The following GJB1 variants were observed in gnomAD, a reference collection of about 807,000 sequenced individuals.
The protein encoded by GJB1 is gap junction protein beta 1, also known as gap junction beta-1 protein.
GJB1 carries 1 observed loss-of-function variant against 12.0 expected under a neutral mutation model. That is an observed-to-expected ratio of 0.08 (90% confidence interval 0.03 to 0.40). GJB1 has a LOEUF of 0.40. Ranked by LOEUF, GJB1 falls within the 10% of genes least tolerant of loss-of-function variation. The pLI is 0.98. For synonymous variants in GJB1, 114 were observed against 102.8 expected, an observed-to-expected ratio of 1.11 and a Z score of -0.66; for missense variants, 140 against 250.3, an observed-to-expected ratio of 0.56 and a Z score of 2.97.
At chrX:71,221,310 A>G (rs2092537543), upstream of GJB1, among the ~76,000 whole-genome samples, 1 of 105,021 alleles carries the variant, frequency 9.5e-6, no homozygotes, top group Admixed American at 1.1e-4. Context: ...CATGACATGA[A>G]CTCACTAAGG....
upstream of GJB1, among the ~76,000 whole-genome samples, chrX:71,221,828 C>T (rs748196771): frequency 2.4e-4 from 26 of 110,409 alleles, no homozygotes; most frequent in Non-Finnish European, 4.7e-4. Context: ...TCAGACAGAC[C>T]CTATAGGTCA....
At position 71,216,995 on chromosome X, in the gene GJB1, C is replaced by T. The variant is rs1028767806; in HGVS notation, c.-17+1724C>T. Among the ~76,000 whole-genome samples, 6 of 111,478 alleles carry T rather than the reference C, an allele frequency of 5.4e-5. 1 individual carries two copies. Among genetic ancestry groups the T allele is most frequent in the African/African-American group, 2.0e-4 (6 of 30,677 alleles). On this transcript the variant is annotated intron_variant, in intron 1 of 1. Transcript: ENST00000374029. Reference sequence around the variant, plus strand: ...AGGCTGAATGTAACCTCATCCATCCCAGCCCACCCCTCTTCCCCAAACCCC... The same window carrying T: ...AGGCTGAATGTAACCTCATCCATCCTAGCCCACCCCTCTTCCCCAAACCCC...
upstream of GJB1, among the ~76,000 whole-genome samples, chrX:71,220,045 G>A (rs1225573399): frequency 1.9e-5 from 2 of 105,221 alleles, no homozygotes; most frequent in African/African-American, 7.0e-5. Flanking sequence ...GTTTCACCAC[G>A]TTGGTCAGGC....
chrX:71,216,969 G>A (rs974099512), intron 1 of GJB1, among the ~76,000 whole-genome samples: 4 of 111,578 alleles, frequency 3.6e-5, no homozygotes, highest in Middle Eastern at 4.6e-3. Context: ...CATGGAGTCC[G>A]AGGCTGAATG....
chrX:71,223,498 G>A (rs2092541459), intron 1 of GJB1, among the ~76,000 whole-genome samples, 163 bp downstream of exon 1: 2 of 111,142 alleles, frequency 1.8e-5, no homozygotes, highest in Admixed American at 9.6e-5. Flanking sequence ...TGGGGCTCAG[G>A]GAGGTCAAGT....
chrX:71,224,537 G>A lies in GJB1; in HGVS notation c.830G>A (p.Ser277Asn), dbSNP rs748095080. The A allele has an allele frequency of 7.1e-5, 84 of 1,188,349 alleles. No individual in the cohort carries two copies. The highest frequency in any genetic ancestry group is 8.9e-5 in the Non-Finnish European group (79 of 884,375). ...PGTGAGLAEKSDRCSAC is the reference protein window; with the variant it reads ...PGTGAGLAEKNDRCSAC Reference sequence around the variant, plus strand: ...ACCGGGGCTGGGCTGGCTGAAAAGAGCGACCGCTGCTCGGCCTGCTGATGC... The same window carrying A: ...ACCGGGGCTGGGCTGGCTGAAAAGAACGACCGCTGCTCGGCCTGCTGATGC... Residue 277 changes from serine to asparagine, a missense_variant, in exon 2 of 2, where the codon AGC becomes AAC. This residue lies in a region of GJB1 where 75 missense variants were observed against 78.8 expected (regional missense o/e 0.95). Transcript: ENST00000361726.
upstream of GJB1, among the ~76,000 whole-genome samples, chrX:71,220,889 C>CTTTTTTTTTTTTTTTTTTTTTTTT (rs1491472340): frequency 1.9e-5 from 1 of 52,742 alleles, no homozygotes; most frequent in Admixed American, 2.6e-4. Context: ...TTGTTTCTTT[C>CTTTTTTTTTTTTTTTTTTTTTTTT]CTTTTTTTTT....
chrX:71,217,314 C>G (rs1304670566), intron 1 of GJB1, among the ~76,000 whole-genome samples: 28 of 112,170 alleles, frequency 2.5e-4, no homozygotes, highest in Admixed American at 2.5e-3. Flanking sequence ...GTGCAATTGC[C>G]GTTGAGGCAA....
rs104894820 is a variant in GJB1 at position 71,223,744 on chromosome X, G to A, written c.37G>A (p.Val13Met). ...AGGTTTGTACACCTTGCTCAGTGGC[G>A]TGAACCGGCATTCTACTGCCATTGG... ...WTGLYTLLSG[V>M]NRHSTAIGRV... Residue 13 changes from valine (V) to methionine (M), a missense_variant, in exon 2 of 2, where the codon GTG becomes ATG. Transcript: ENST00000361726. The A allele has an allele frequency of 2.0e-5, 24 of 1,208,459 alleles. No individual in the cohort carries two copies. In the Admixed American group the frequency reaches 2.8e-4, roughly 14 times the overall value.
At position 71,225,042 on chromosome X, in the gene GJB1, A is replaced by G. The variant is rs1268834259; in HGVS notation, c.*483A>G. On this transcript the variant is annotated 3_prime_UTR_variant, in exon 2 of 2. Transcript: ENST00000361726. Reference sequence around the variant, plus strand: ...AAAGGAGGAATAGTGCTTGCTGGCCACAAGGAAAAGGAGGAGGTGTCTGGG... The same window carrying G: ...AAAGGAGGAATAGTGCTTGCTGGCCGCAAGGAAAAGGAGGAGGTGTCTGGG... 4 of 150,036 alleles carry G rather than the reference A, an allele frequency of 2.7e-5. No homozygotes were observed. The highest frequency in any genetic ancestry group is 1.3e-4 in the African/African-American group (4 of 31,503). The allele number at this position is 150,036 out of a possible 1,213,427, so 12.4% of individuals were successfully genotyped here. A position where few individuals can be genotyped will look rare whatever the true frequency, so the allele number is the denominator to read the frequency against.
upstream of GJB1, among the ~76,000 whole-genome samples, chrX:71,220,692 A>G (rs893819624): frequency 9.7e-6 from 1 of 103,027 alleles, no homozygotes; most frequent in African/African-American, 3.6e-5. Context: ...TTTTTAGTAC[A>G]GACGGGGTTT....
chrX:71,220,634 G>A (rs977303029), upstream of GJB1, among the ~76,000 whole-genome samples: 2 of 108,873 alleles, frequency 1.8e-5, no homozygotes, highest in Non-Finnish European at 3.8e-5. Context: ...AGCCTCCTGA[G>A]TAGCTGGGAT....
chrX:71,218,818 G>T (rs995857550), upstream of GJB1, among the ~76,000 whole-genome samples: 1 of 107,213 alleles, frequency 9.3e-6, no homozygotes, highest in East Asian at 2.9e-4. Context: ...CCCAGGGGGC[G>T]GAGCTTGCAG....
upstream of GJB1, among the ~76,000 whole-genome samples, chrX:71,218,471 G>A (rs745407589): frequency 3.6e-4 from 38 of 106,144 alleles, no homozygotes; most frequent in South Asian, 3.8e-3. Flanking sequence ...GAGCTTATGG[G>A]AAAGAGTATG....
At chrX:71,221,731 A>G (rs1014974249), upstream of GJB1, among the ~76,000 whole-genome samples, 2 of 111,217 alleles carry the variant, frequency 1.8e-5, no homozygotes, top group East Asian at 5.6e-4. Context: ...ATAGAGGAGA[A>G]TTTCCTCCCT....
chrX:71,224,884 C>T lies in GJB1; in HGVS notation c.*325C>T, dbSNP rs2092547820. 5.5e-6 allele frequency: 2 copies of T among 366,200 alleles called. No homozygotes were observed. The highest frequency in any genetic ancestry group is 3.9e-5 in the South Asian group (1 of 25,706). The allele number at this position is 366,200 out of a possible 1,213,427, so 30.2% of individuals were successfully genotyped here. On this transcript the variant is annotated 3_prime_UTR_variant, in exon 2 of 2. Coordinates refer to ENST00000361726, the MANE Select transcript of GJB1 (RefSeq NM_000166.6). ...TCCGACAGCGTCTCCAATTATGAAACTAATCTTAACCCTGTGCTGTCAGAT... is the reference window on the plus strand; with the variant it reads ...TCCGACAGCGTCTCCAATTATGAAATTAATCTTAACCCTGTGCTGTCAGAT...
upstream of GJB1, among the ~76,000 whole-genome samples, chrX:71,219,867 G>A (rs1279240013): frequency 1.0e-5 from 1 of 96,134 alleles, no homozygotes; most frequent in African/African-American, 3.8e-5. Context: ...TTAAGAGGCA[G>A]AGTCTCGTTC....
chrX:71,221,177 T>C (rs186082974), upstream of GJB1, among the ~76,000 whole-genome samples: 24 of 111,502 alleles, frequency 2.2e-4, no homozygotes, highest in Non-Finnish European at 3.0e-4. Context: ...TGAGCCACCT[T>C]GCCCAGCCCC....
intron 1 of GJB1, among the ~76,000 whole-genome samples, chrX:71,218,046 C>G (rs1474683596): frequency 9.0e-6 from 1 of 111,679 alleles, no homozygotes; most frequent in East Asian, 2.8e-4. Context: ...AATCCCAGCA[C>G]TTTGGGAGGC....
Sources: gnomAD v4.1 joint callset for allele counts (sites outside exome capture counted in the v4.1 genomes callset) on GRCh38, gnomAD v4.1.1 for gene constraint, gnomAD v4.1.1 regional missense constraint, MANE v1.5 for transcripts, NCBI Gene and HGNC (gene_info 2026-07-23, HGNC 2026-07-21) for gene names.